PRKD1: variants seen among roughly 807,000 people sequenced by gnomAD.
The protein encoded by PRKD1 is serine/threonine-protein kinase D1.
PRKD1 carries 63 observed loss-of-function variants against 95.9 expected under a neutral mutation model. That is an observed-to-expected ratio of 0.66 (90% CI 0.54 to 0.81). The LOEUF is 0.81. Ranked by LOEUF, PRKD1 falls within the 30% of genes least tolerant of loss-of-function variation. The probability of loss-of-function intolerance (pLI) is 0.00; values close to 1 mark genes in which losing one functional copy is unlikely to be tolerated. For synonymous variants in PRKD1, 425 were observed against 423.1 expected, an observed-to-expected ratio of 1.00 and a Z score of -0.05; for missense variants, 1,048 against 1,165.3, an observed-to-expected ratio of 0.90 and a Z score of 1.47.
At chr14:29,688,477 A>G (rs1884013033) in intron 2 of PRKD1, among the ~76,000 whole-genome samples, 1 of 152,140 alleles carries the variant, frequency 6.6e-6, no homozygotes, top group Non-Finnish European at 1.5e-5. Flanking sequence ...AATGAGAACA[A>G]TTAAATCCTT....
intron 2 of PRKD1, among the ~76,000 whole-genome samples, chr14:29,696,457 T>A (rs939820580): frequency 6.6e-6 from 1 of 152,190 alleles, no homozygotes; most frequent in Non-Finnish European, 1.5e-5. Flanking sequence ...ATGTTTCACA[T>A]TTTCTACTAG....
chr14:29,786,016 C>G (rs945563939), intron 1 of PRKD1, among the ~76,000 whole-genome samples: 3 of 151,794 alleles, frequency 2.0e-5, no homozygotes, highest in Admixed American at 6.6e-5. Flanking sequence ...GAGGTTTGTT[C>G]CTCTATACCT....
At chr14:29,872,415 C>A (rs147833664) in intron 1 of PRKD1, among the ~76,000 whole-genome samples, 3,154 of 152,128 alleles carry the variant, frequency 0.021, 55 homozygotes, top group East Asian at 0.06. Flanking sequence ...GTAATCCCAG[C>A]ACTTTGAGAG....
chr14:29,654,264 C>A (rs953882443), intron 4 of PRKD1, among the ~76,000 whole-genome samples: 1 of 152,056 alleles, frequency 6.6e-6, no homozygotes, highest in Non-Finnish European at 1.5e-5. Context: ...CTCTGCCTCT[C>A]GGGTTCAAGC....
At chr14:29,863,508 G>A (rs1892778746) in intron 1 of PRKD1, among the ~76,000 whole-genome samples, 1 of 151,926 alleles carries the variant, frequency 6.6e-6, no homozygotes, top group African/African-American at 2.4e-5. Context: ...ACTCTACTTT[G>A]TTTAAAACAA....
At chr14:29,915,655 G>C (rs534611151) in intron 1 of PRKD1, among the ~76,000 whole-genome samples, 2 of 152,256 alleles carry the variant, frequency 1.3e-5, no homozygotes, top group South Asian at 4.1e-4. Flanking sequence ...CACTAACTGG[G>C]ATGTGAATTC....
chr14:29,671,074 G>A (rs796482961), intron 2 of PRKD1, among the ~76,000 whole-genome samples: 46 of 150,972 alleles, frequency 3.0e-4, no homozygotes, highest in African/African-American at 1.1e-3. Context: ...GTAGCCAAGA[G>A]AGAAAAAAAA....
intron 16 of PRKD1, among the ~76,000 whole-genome samples, chr14:29,586,703 G>A (rs1226694917): frequency 3.3e-5 from 5 of 152,022 alleles, no homozygotes; most frequent in Admixed American, 6.5e-5. Flanking sequence ...GTGCAATGGC[G>A]TGATCTTGGC....
At chr14:29,605,567 A>G (rs1226172190) in intron 13 of PRKD1, among the ~76,000 whole-genome samples, 1 of 152,136 alleles carries the variant, frequency 6.6e-6, no homozygotes, top group Non-Finnish European at 1.5e-5. Flanking sequence ...CTACTCTCAG[A>G]GTCTTTGCTA....
chr14:29,799,511 C>T lies in PRKD1; in HGVS notation c.265-73837G>A, dbSNP rs539333177. On this transcript the variant is annotated intron_variant, in intron 1 of 17. Coordinates refer to ENST00000331968, the MANE Select transcript of PRKD1 (RefSeq NM_002742.3). ...GCACAGATTTTCTTCTAAAAGGCTGCAATAGCAAGGATTAAAAATGTTTAT... is the reference window on the plus strand; with the variant it reads ...GCACAGATTTTCTTCTAAAAGGCTGTAATAGCAAGGATTAAAAATGTTTAT... Among the ~76,000 whole-genome samples, 20 of 152,294 alleles carry T rather than the reference C, an allele frequency of 1.3e-4. No individual in the cohort carries two copies. The South Asian group carries it at 3.7e-3, about 28-fold the overall frequency.
chr14:29,844,725 G>T (rs182905539), intron 1 of PRKD1, among the ~76,000 whole-genome samples: 1 of 152,120 alleles, frequency 6.6e-6, no homozygotes, highest in Non-Finnish European at 1.5e-5. Flanking sequence ...AATCAATACG[G>T]AAGTTATTTT....
At chr14:29,834,799 T>C (rs1891547865) in intron 1 of PRKD1, among the ~76,000 whole-genome samples, 1 of 152,052 alleles carries the variant, frequency 6.6e-6, no homozygotes, top group Non-Finnish European at 1.5e-5. Context: ...AAAAATACTA[T>C]TATTCCCATC....
intron 1 of PRKD1, among the ~76,000 whole-genome samples, chr14:29,777,411 G>C (rs1888814628): frequency 6.6e-6 from 1 of 152,194 alleles, no homozygotes; most frequent in African/African-American, 2.4e-5. Flanking sequence ...CTCACGTGCA[G>C]AGATACACAT....
At chr14:29,879,146 C>G (rs1893410020) in intron 1 of PRKD1, among the ~76,000 whole-genome samples, 1 of 152,166 alleles carries the variant, frequency 6.6e-6, no homozygotes, top group Non-Finnish European at 1.5e-5. Context: ...TCACCCAGCA[C>G]CTTGCACCAA....
At chr14:29,677,803 G>A (rs1360574013) in intron 2 of PRKD1, among the ~76,000 whole-genome samples, 2 of 152,190 alleles carry the variant, frequency 1.3e-5, no homozygotes, top group African/African-American at 4.8e-5. Context: ...GGCCTCAGGT[G>A]ATCCACCAGC....
At chr14:29,601,056 G>T (rs1260245376) in intron 13 of PRKD1, among the ~76,000 whole-genome samples, 1 of 152,006 alleles carries the variant, frequency 6.6e-6, no homozygotes, top group Non-Finnish European at 1.5e-5. Context: ...AAAATTAAAT[G>T]CTTCTTTATT....
intron 4 of PRKD1, among the ~76,000 whole-genome samples, chr14:29,661,649 A>T (rs1882198069): frequency 6.6e-6 from 1 of 152,184 alleles, no homozygotes; most frequent in Non-Finnish European, 1.5e-5. Flanking sequence ...TAAGGACACA[A>T]AGGGCTTTGC....
At chr14:29,823,717 C>A (rs2139274916) in intron 1 of PRKD1, among the ~76,000 whole-genome samples, 1 of 152,134 alleles carries the variant, frequency 6.6e-6, no homozygotes. Context: ...TAGGATGAGA[C>A]CATTATAAGT....
intron 1 of PRKD1, among the ~76,000 whole-genome samples, chr14:29,825,592 G>T (rs1219587535): frequency 1.3e-5 from 2 of 151,980 alleles, no homozygotes; most frequent in Non-Finnish European, 2.9e-5. Flanking sequence ...TCCACAAAGG[G>T]ATCATTATTT....
Sources: allele counts gnomAD v4.1 joint callset (sites outside exome capture counted in the v4.1 genomes callset), GRCh38; gene constraint gnomAD v4.1.1; transcripts MANE v1.5; gene names NCBI Gene and HGNC (gene_info 2026-07-23, HGNC 2026-07-21).